The following SYT2 variants were observed in gnomAD, a reference collection of about 807,000 sequenced individuals.
SYT2 encodes the protein synaptotagmin-2.
SYT2 carries 15 observed loss-of-function variants against 39.9 expected under a neutral mutation model. The observed-to-expected ratio is 0.38, with a 90% confidence interval of 0.25 to 0.58. SYT2 has a LOEUF of 0.58. Among genes scored for constraint, SYT2 ranks in the 20% least tolerant of loss-of-function variants. The pLI, the probability that SYT2 is intolerant of heterozygous loss-of-function variation, is 0.70. For synonymous variants in SYT2, 181 were observed against 204.5 expected (o/e 0.89, Z 0.98); for missense variants, 389 against 530.3 (o/e 0.73, Z 2.62).
intron 1 of SYT2, among the ~76,000 whole-genome samples, chr1:202,660,228 T>C (rs1219573499): frequency 6.6e-6 from 1 of 152,156 alleles, no homozygotes; most frequent in Non-Finnish European, 1.5e-5. Flanking sequence ...GTGTGATATA[T>C]ACAAGCTGGA....
At chr1:202,658,602 C>T (rs1359485839) in intron 1 of SYT2, among the ~76,000 whole-genome samples, 2 of 151,850 alleles carry the variant, frequency 1.3e-5, no homozygotes, top group Admixed American at 6.6e-5. Flanking sequence ...CGTGTGTGTG[C>T]CTCAGACAGC....
chr1:202,678,902 G>A (rs191985753), intron 1 of SYT2, among the ~76,000 whole-genome samples: 6 of 149,366 alleles, frequency 4.0e-5, no homozygotes, highest in East Asian at 3.9e-4. Flanking sequence ...CTGACCCAAC[G>A]CCCTACATTC....
At position 202,594,589 on chromosome 1, in the gene SYT2, C is replaced by G. The variant is rs1008914502; in HGVS notation, c.*2168G>C. On this transcript the variant is annotated 3_prime_UTR_variant, in exon 9 of 9. Transcript: ENST00000367268. ...CCAGGAAATCCCACTCTGTGGCCACCCAGATTCTGAAAACACCCTATTGTC... is the reference window on the plus strand; with the variant it reads ...CCAGGAAATCCCACTCTGTGGCCACGCAGATTCTGAAAACACCCTATTGTC... The G allele has an allele frequency of 4.6e-5, 7 of 151,966 alleles. No individual in the cohort carries two copies. The highest frequency in any genetic ancestry group is 1.7e-4 in the African/African-American group (7 of 41,338). 9.4% of individuals were successfully genotyped at this position (151,966 alleles called of 1,614,324 possible).
At chr1:202,668,094 C>T (rs1426014793) in intron 1 of SYT2, among the ~76,000 whole-genome samples, 1 of 152,186 alleles carries the variant, frequency 6.6e-6, no homozygotes, top group Non-Finnish European at 1.5e-5. Flanking sequence ...TGGAGAAGGA[C>T]ATTTTGGTGG....
At chr1:202,673,898 T>C (rs1653245680) in intron 1 of SYT2, among the ~76,000 whole-genome samples, 1 of 152,194 alleles carries the variant, frequency 6.6e-6, no homozygotes, top group Non-Finnish European at 1.5e-5. Flanking sequence ...CTGAATGAGA[T>C]TGCCTGGCTG....
intron 1 of SYT2, among the ~76,000 whole-genome samples, chr1:202,695,423 AT>A (rs1653948647): frequency 6.6e-6 from 1 of 152,190 alleles, no homozygotes. Flanking sequence ...GGTCTGAAAC[AT>A]GAAACTCCCT....
intron 1 of SYT2, among the ~76,000 whole-genome samples, chr1:202,658,454 T>C (rs1692317844): frequency 6.6e-6 from 1 of 152,072 alleles, no homozygotes. Context: ...TCTTGGATCC[T>C]GCCCTGGTCC....
intron 1 of SYT2, among the ~76,000 whole-genome samples, chr1:202,634,071 C>A (rs1691671595): frequency 6.6e-6 from 1 of 152,220 alleles, no homozygotes; most frequent in South Asian, 2.1e-4. Context: ...GGACAAATCC[C>A]TTGATGTCCC....
intron 1 of SYT2, among the ~76,000 whole-genome samples, chr1:202,637,937 T>C (rs1389009369): frequency 6.6e-6 from 1 of 152,192 alleles, no homozygotes; most frequent in Non-Finnish European, 1.5e-5. Flanking sequence ...ACCTAGCTCA[T>C]TCCCAAGAGA....
intron 1 of SYT2, among the ~76,000 whole-genome samples, chr1:202,634,652 G>C (rs567240969): frequency 6.6e-6 from 1 of 152,088 alleles, no homozygotes; most frequent in South Asian, 2.1e-4. Flanking sequence ...CTGATGAATG[G>C]AGAAATAAAA....
intron 1 of SYT2, among the ~76,000 whole-genome samples, chr1:202,625,191 TGTA>T (rs1446325173): frequency 1.1e-5 from 1 of 92,572 alleles, no homozygotes; most frequent in African/African-American, 4.2e-5. Context: ...GTGTGTGGCA[TGTA>T]GTAGGGTGTG....
At chr1:202,707,197 C>T (rs929386200) in intron 1 of SYT2, among the ~76,000 whole-genome samples, 1 of 152,110 alleles carries the variant, frequency 6.6e-6, no homozygotes, top group Non-Finnish European at 1.5e-5. Flanking sequence ...GTAGGGCCTG[C>T]GGCTGTGCTC....
intron 1 of SYT2, chr1:202,632,021 A>G: frequency 2.0e-6 from 2 of 985,370 alleles, no homozygotes; most frequent in Non-Finnish European, 2.4e-6. Context: ...TGTGAGGACC[A>G]CAAGAGCTTC....
intron 1 of SYT2, among the ~76,000 whole-genome samples, chr1:202,619,691 T>C (rs1197891113): frequency 1.3e-5 from 2 of 152,174 alleles, no homozygotes; most frequent in Non-Finnish European, 2.9e-5. Context: ...AATGAGGTTC[T>C]AAGTAATTCA....
Position 202,605,721 on chromosome 1 carries a change from T to G in SYT2, c.52A>C (p.Thr18Pro), listed in dbSNP as rs1572616669. The change falls in exon 2 of 9, where the codon ACC becomes CCC. Residue 18 changes from threonine (T) to proline (P), a missense_variant. Coordinates refer to ENST00000367268, the MANE Select transcript of SYT2 (RefSeq NM_177402.5). ...NQEPIVAPAT[T>P]TATMPIGPVD... ...GGTCCAATGGGCATCGTGGCGGTGG[T>G]GGTGGCAGGAGCCACAATAGGCTCC... 6.2e-7 allele frequency: 1 copy of G among 1,614,012 alleles called. No individual in the cohort carries two copies. Among genetic ancestry groups the G allele is most frequent in the Non-Finnish European group, 8.5e-7 (1 of 1,179,980 alleles).
chr1:202,599,071 C>T lies in SYT2; in HGVS notation c.1053+147G>A. 1 of 1,077,484 alleles carries T rather than the reference C, an allele frequency of 9.3e-7. No individual in the cohort carries two copies. Among genetic ancestry groups the T allele is most frequent in the Non-Finnish European group, 1.3e-6 (1 of 747,202 alleles). 66.7% of individuals were successfully genotyped at this position (1,077,484 alleles called of 1,614,324 possible). A position where few individuals can be genotyped will look rare whatever the true frequency, so the allele number is the denominator to read the frequency against. On this transcript the variant is annotated intron_variant, in intron 8 of 8. Coordinates refer to ENST00000367268, the MANE Select transcript of SYT2 (RefSeq NM_177402.5). The surrounding 1 kb of genome is among the most constrained non-coding windows in gnomAD (Gnocchi z 4.4). The stretch of plus-strand genomic sequence containing the variant: ...CCCTGAAGCACTTGGGAAGGAGGCC[C>T]CACCCAGGCACCATTAGACCTCGAG...
chr1:202,695,316 T>A (rs1182570527), intron 1 of SYT2, among the ~76,000 whole-genome samples: 2 of 152,106 alleles, frequency 1.3e-5, no homozygotes, highest in East Asian at 3.9e-4. Flanking sequence ...ATCACCTTGA[T>A]CTAGAGATAT....
chr1:202,682,819 C>A (rs922320731), intron 1 of SYT2, among the ~76,000 whole-genome samples: 2 of 152,124 alleles, frequency 1.3e-5, no homozygotes, highest in South Asian at 2.1e-4. Context: ...ACAAACCCAG[C>A]CCTTCTGCTT....
chr1:202,640,734 CAGAGAGAGAGAGAG>C (rs56979202), intron 1 of SYT2, among the ~76,000 whole-genome samples: 10,229 of 90,692 alleles, frequency 0.11, 655 homozygotes, highest in East Asian at 0.26. Context: ...TCCTAATGGT[CAGAGAGAGAGAGAG>C]AGAGAGAGAG....
Sources: allele counts gnomAD v4.1 joint callset (sites outside exome capture counted in the v4.1 genomes callset), GRCh38; gene constraint gnomAD v4.1.1; non-coding constraint Gnocchi (gnomAD v3.1); transcripts MANE v1.5; gene names NCBI Gene and HGNC (gene_info 2026-07-23, HGNC 2026-07-21).